Variants in GREB1L observed in about 807,000 individuals in gnomAD.
The protein encoded by GREB1L is GREB1 like retinoic acid receptor coactivator, also known as GREB1-like protein.
In GREB1L, 17 loss-of-function variants were observed where a neutral mutation model predicts 200.8. That is an observed-to-expected ratio of 0.08 (90% CI 0.06 to 0.13). The LOEUF (loss-of-function observed/expected upper bound fraction) is 0.13, where lower values mean the gene tolerates loss of function less well. GREB1L is among the 10% of genes least tolerant of loss of function. The pLI is 1.00. For synonymous variants in GREB1L, 789 were observed against 893.0 expected, an observed-to-expected ratio of 0.88 and a Z score of 2.08; for missense variants, 1,657 against 2,367.7, an observed-to-expected ratio of 0.70 and a Z score of 6.23.
intron 2 of GREB1L, among the ~76,000 whole-genome samples, chr18:21,371,249 G>A (rs2039860466): frequency 6.6e-6 from 1 of 152,046 alleles, no homozygotes; most frequent in African/African-American, 2.4e-5. Flanking sequence ...TTTGGGCAGT[G>A]CTGTTCTTGG....
intron 1 of GREB1L, among the ~76,000 whole-genome samples, chr18:21,246,028 G>T (rs2037594620): frequency 6.6e-6 from 1 of 152,046 alleles, no homozygotes; most frequent in African/African-American, 2.4e-5. Flanking sequence ...GGCCTATAAT[G>T]CCTATTCTTA....
chr18:21,404,115 G>C, intron 7 of GREB1L, 121 bp downstream of exon 7: 1 of 880,742 alleles, frequency 1.1e-6, no homozygotes, highest in Admixed American at 2.6e-5. Flanking sequence ...GGTATTACTT[G>C]AGTTACTATT....
At chr18:21,404,601 A>G (rs968210823) in intron 7 of GREB1L, among the ~76,000 whole-genome samples, 2 of 152,206 alleles carry the variant, frequency 1.3e-5, no homozygotes, top group African/African-American at 2.4e-5. Context: ...TGAGGCTTCT[A>G]AAAATTCCTC....
chr18:21,255,955 A>G (rs1344882553), intron 1 of GREB1L, among the ~76,000 whole-genome samples: 1 of 152,224 alleles, frequency 6.6e-6, no homozygotes, highest in African/African-American at 2.4e-5. Flanking sequence ...TTTGAAAATC[A>G]TAATACTGTC....
In GREB1L at chr18:21,309,853, G is replaced by A. The variant is rs114282392; in HGVS notation, c.-119-56174G>A. 1.0e-3 allele frequency among the ~76,000 whole-genome samples: 154 copies of A among 152,082 alleles called. 1 individual carries two copies. The highest frequency in any genetic ancestry group is 3.5e-3 in the African/African-American group (147 of 41,490). The stretch of plus-strand genomic sequence containing the variant: ...GTGCTACTGGAATTAGTGGGGAGAG[G>A]ACAGGGATACTGCTAAAAACATCCT... On this transcript the variant is annotated intron_variant, in intron 1 of 32. Coordinates refer to ENST00000424526, the MANE Select transcript of GREB1L (RefSeq NM_001142966.3).
Position 21,383,499 on chromosome 18 carries a change from G to T in GREB1L, c.-9-11G>T. On this transcript the variant is annotated splice_polypyrimidine_tract_variant and intron_variant, in intron 2 of 32. Transcript: ENST00000424526. ...ATTTTATCCTTTCTTCTTTTTCTTG[G>T]GGATGGGTAGGTGTAGATCATGGGG... 1 of 1,493,408 alleles carries T rather than the reference G, an allele frequency of 6.7e-7. No individual in the cohort carries two copies. Among genetic ancestry groups the T allele is most frequent in the East Asian group, 2.5e-5 (1 of 39,670 alleles). The allele number at this position is 1,493,408 out of a possible 1,614,324, so 92.5% of individuals were successfully genotyped here.
intron 1 of GREB1L, among the ~76,000 whole-genome samples, chr18:21,263,228 A>G (rs1393732389): frequency 3.3e-5 from 5 of 152,232 alleles, no homozygotes; most frequent in Admixed American, 3.3e-4. Flanking sequence ...TAAGAACTCC[A>G]TTGATGACTT....
At chr18:21,406,649 C>T (rs1388688347) in intron 7 of GREB1L, among the ~76,000 whole-genome samples, 2 of 152,134 alleles carry the variant, frequency 1.3e-5, no homozygotes, top group South Asian at 2.1e-4. Context: ...ATTCACCTTT[C>T]TATAGGAGAT....
At chr18:21,387,610 C>T (rs2040599785) in intron 4 of GREB1L, 1 of 152,204 alleles carries the variant, frequency 6.6e-6, no homozygotes, top group Admixed American at 6.5e-5. Flanking sequence ...TCACATCAGT[C>T]CTTCAGAATT....
At chr18:21,508,066 T>G (rs553263917) in intron 25 of GREB1L, 52 bp from the exon 26 acceptor site, 622 of 1,520,172 alleles carry the variant, frequency 4.1e-4, no homozygotes, top group Non-Finnish European at 5.3e-4. Flanking sequence ...CCTGGAAGTT[T>G]GGAAACTGTG....
At chr18:21,467,653 G>A (rs991818251) in intron 15 of GREB1L, among the ~76,000 whole-genome samples, 4 of 152,198 alleles carry the variant, frequency 2.6e-5, no homozygotes, top group African/African-American at 9.7e-5. Context: ...AAATGGTACA[G>A]CCGCTTTAGA....
At chr18:21,499,003 G>C (rs1312891526) in intron 21 of GREB1L, among the ~76,000 whole-genome samples, 2 of 152,206 alleles carry the variant, frequency 1.3e-5, no homozygotes, top group Admixed American at 1.3e-4. Flanking sequence ...AAACACACTT[G>C]AAAGGAACTG....
intron 7 of GREB1L, among the ~76,000 whole-genome samples, chr18:21,405,746 A>G (rs763049396): frequency 4.6e-5 from 7 of 152,308 alleles, no homozygotes; most frequent in Non-Finnish European, 1.0e-4. Context: ...AGTTGCAATG[A>G]GCCGAGATTG....
intron 4 of GREB1L, among the ~76,000 whole-genome samples, chr18:21,389,478 C>T (rs1371719768): frequency 6.6e-6 from 1 of 151,504 alleles, no homozygotes; most frequent in Non-Finnish European, 1.5e-5. Flanking sequence ...TTGCTTTTCT[C>T]CTCTAGGTGT....
chr18:21,453,795 G>A (rs2034633406), intron 14 of GREB1L, among the ~76,000 whole-genome samples: 1 of 152,142 alleles, frequency 6.6e-6, no homozygotes, highest in Non-Finnish European at 1.5e-5. Flanking sequence ...GAAAGGTGAA[G>A]GTCGTGTCTC....
At chr18:21,271,770 G>T (rs747724233) in intron 1 of GREB1L, among the ~76,000 whole-genome samples, 1 of 152,066 alleles carries the variant, frequency 6.6e-6, no homozygotes, top group Admixed American at 6.6e-5. Flanking sequence ...AGCCATGCAG[G>T]TTTCTTTTAT....
intron 1 of GREB1L, among the ~76,000 whole-genome samples, chr18:21,245,684 A>C (rs895581642): frequency 5.9e-5 from 9 of 151,796 alleles, no homozygotes; most frequent in African/African-American, 1.9e-4. Context: ...TAAAAAATGT[A>C]ATGCCTATTC....
At chr18:21,408,498 C>T (rs1262627890) in intron 7 of GREB1L, among the ~76,000 whole-genome samples, 1 of 151,968 alleles carries the variant, frequency 6.6e-6, no homozygotes, top group East Asian at 1.9e-4. Context: ...AAATGCAAAT[C>T]AAAACCATAA....
At chr18:21,384,157 C>T (rs1365525897) in intron 3 of GREB1L, 49 bp from the exon 4 acceptor site, 1 of 1,255,462 alleles carries the variant, frequency 8.0e-7, no homozygotes, top group South Asian at 1.3e-5. Flanking sequence ...GTGCATTTTT[C>T]CATAAGCATC....
Sources: allele counts gnomAD v4.1 joint callset (sites outside exome capture counted in the v4.1 genomes callset), GRCh38; gene constraint gnomAD v4.1.1; transcripts MANE v1.5; gene names NCBI Gene and HGNC (gene_info 2026-07-23, HGNC 2026-07-21).